PTPN1: variants seen among roughly 807,000 people sequenced by gnomAD.
PTPN1 encodes tyrosine-protein phosphatase non-receptor type 1.
PTPN1 carries 12 observed loss-of-function variants against 59.9 expected under a neutral mutation model. The ratio of observed to expected loss-of-function variants is 0.20; its 90% CI spans 0.13 to 0.32. The LOEUF is 0.32. PTPN1 is among the 10% of genes least tolerant of loss of function. PTPN1 has a pLI of 1.00. For missense variants in PTPN1, 356 were observed against 549.2 expected (o/e 0.65, Z 3.52); for synonymous variants, 178 against 203.6 (o/e 0.87, Z 1.07).
intron 3 of PTPN1, among the ~76,000 whole-genome samples, chr20:50,565,351 C>T (rs2082774030): frequency 1.3e-5 from 2 of 152,212 alleles, no homozygotes; most frequent in South Asian, 4.1e-4. Context: ...TTGGCAGAGA[C>T]AGCAGAGCCA....
At chr20:50,546,043 AAAAG>A (rs1159531792) in intron 1 of PTPN1, among the ~76,000 whole-genome samples, 2 of 152,002 alleles carry the variant, frequency 1.3e-5, no homozygotes, top group Non-Finnish European at 2.9e-5. Flanking sequence ...TCCTGTCTCG[AAAAG>A]AAAGAAGAAG....
At chr20:50,519,458 G>T (rs1262160959) in intron 1 of PTPN1, among the ~76,000 whole-genome samples, 1 of 152,226 alleles carries the variant, frequency 6.6e-6, no homozygotes, top group Non-Finnish European at 1.5e-5. Context: ...AGATTTGGAA[G>T]ATGTTGCTTT....
chr20:50,552,814 C>T (rs1200991519), intron 1 of PTPN1, among the ~76,000 whole-genome samples: 2 of 151,862 alleles, frequency 1.3e-5, no homozygotes, highest in Non-Finnish European at 2.9e-5. Context: ...CAATGGCTTT[C>T]TTCTCTTCCT....
intron 3 of PTPN1, among the ~76,000 whole-genome samples, chr20:50,566,585 T>C (rs886833270): frequency 3.3e-5 from 5 of 152,238 alleles, no homozygotes; most frequent in Admixed American, 2.0e-4. Context: ...ATTTCCCCAG[T>C]GCCCAAACCA....
At chr20:50,513,619 G>T (rs1247953046) in intron 1 of PTPN1, among the ~76,000 whole-genome samples, 1 of 152,162 alleles carries the variant, frequency 6.6e-6, no homozygotes, top group Non-Finnish European at 1.5e-5. Context: ...CATGTTAGAG[G>T]CAGGCTTTGT....
chr20:50,579,248 C>T lies in PTPN1; in HGVS notation c.783C>T (p.Ile261=). ...LEMRKFRMGL[I]QTADQLRFSY... The stretch of plus-strand genomic sequence containing the variant: ...TGAGGAAGTTTCGGATGGGGCTGAT[C>T]CAGACAGCCGACCAGCTGCGCTTCT... The change falls in exon 7 of 10, where the codon ATC becomes ATT. Residue 261 remains isoleucine, a synonymous_variant. Coordinates refer to ENST00000371621, the MANE Select transcript of PTPN1 (RefSeq NM_002827.4). 1 of 1,614,202 alleles carries T rather than the reference C, an allele frequency of 6.2e-7. No homozygotes were observed. Among genetic ancestry groups the T allele is most frequent in the Non-Finnish European group, 8.5e-7 (1 of 1,180,008 alleles).
chr20:50,538,419 CA>C (rs1201966807), intron 1 of PTPN1, among the ~76,000 whole-genome samples: 6 of 152,038 alleles, frequency 3.9e-5, no homozygotes, highest in African/African-American at 1.4e-4. Flanking sequence ...AAGCAAACAG[CA>C]AGGACCTGAG....
chr20:50,516,254 G>A (rs561574324), intron 1 of PTPN1, among the ~76,000 whole-genome samples: 1 of 151,334 alleles, frequency 6.6e-6, no homozygotes, highest in South Asian at 2.1e-4. Flanking sequence ...AAATGGTAAT[G>A]ACATTCTTTG....
At chr20:50,559,308 A>G (rs1428042511) in intron 1 of PTPN1, among the ~76,000 whole-genome samples, 1 of 152,086 alleles carries the variant, frequency 6.6e-6, no homozygotes, top group Admixed American at 6.5e-5. Flanking sequence ...GTCCCTTCTC[A>G]TTTCATGACT....
At chr20:50,543,922 T>C (rs2082663483) in intron 1 of PTPN1, among the ~76,000 whole-genome samples, 1 of 152,110 alleles carries the variant, frequency 6.6e-6, no homozygotes, top group African/African-American at 2.4e-5. Context: ...CTCGGCTCGC[T>C]ACAACCTCCG....
At chr20:50,559,134 T>TG (rs978976356) in intron 1 of PTPN1, among the ~76,000 whole-genome samples, 1 of 148,896 alleles carries the variant, frequency 6.7e-6, no homozygotes, top group Non-Finnish European at 1.5e-5. Context: ...TGGGTTCAAG[T>TG]GATTCTCCTG....
At chr20:50,564,764 G>A (rs1214969881) in intron 2 of PTPN1, among the ~76,000 whole-genome samples, 1 of 152,204 alleles carries the variant, frequency 6.6e-6, no homozygotes, top group Non-Finnish European at 1.5e-5. Flanking sequence ...GCTTCATAGT[G>A]TGAAGCTTCA....
At chr20:50,580,361 C>T (rs977489080) in intron 8 of PTPN1, among the ~76,000 whole-genome samples, 22 of 152,268 alleles carry the variant, frequency 1.4e-4, no homozygotes, top group African/African-American at 5.3e-4. Context: ...CATTTTACTT[C>T]CTTGCAGGTT....
At chr20:50,513,559 A>G (rs1333999021) in intron 1 of PTPN1, among the ~76,000 whole-genome samples, 1 of 152,190 alleles carries the variant, frequency 6.6e-6, no homozygotes, top group East Asian at 1.9e-4. Context: ...TGATTGTTTC[A>G]GATAAAGGGG....
intron 3 of PTPN1, among the ~76,000 whole-genome samples, chr20:50,567,782 T>C (rs772357502): frequency 6.6e-6 from 1 of 152,242 alleles, no homozygotes; most frequent in Non-Finnish European, 1.5e-5. Context: ...GGGTCCTCAT[T>C]GCTGATGGTA....
In PTPN1 at chr20:50,515,041, C is replaced by T. The variant is rs568064938; in HGVS notation, c.63+4451C>T. On this transcript the variant is annotated intron_variant, in intron 1 of 9. Coordinates refer to ENST00000371621, the MANE Select transcript of PTPN1 (RefSeq NM_002827.4). ...TTCACACTGCAGAAATGAGTGAAGC[C>T]GGTTACCCGTTAATATGGTCCCATC... is the stretch of plus-strand genomic sequence containing the variant. Among the ~76,000 whole-genome samples, 205 of 152,272 alleles carry T rather than the reference C, an allele frequency of 1.3e-3. 1 individual carries two copies. Among genetic ancestry groups the T allele is most frequent in the African/African-American group, 4.7e-3 (194 of 41,546 alleles).
At chr20:50,559,940 C>T (rs1379341245) in intron 1 of PTPN1, among the ~76,000 whole-genome samples, 1 of 150,986 alleles carries the variant, frequency 6.6e-6, no homozygotes, top group Non-Finnish European at 1.5e-5. Context: ...GTGGTACCTG[C>T]ATGTGGTGGA....
chr20:50,564,446 T>C (rs1192844459), intron 2 of PTPN1, among the ~76,000 whole-genome samples: 2 of 151,900 alleles, frequency 1.3e-5, no homozygotes, highest in Non-Finnish European at 2.9e-5. Context: ...ATAGAAAAAT[T>C]AGGTGAGCAT....
intron 1 of PTPN1, among the ~76,000 whole-genome samples, chr20:50,530,965 A>G (rs1044681020): frequency 2.0e-5 from 3 of 152,074 alleles, no homozygotes; most frequent in African/African-American, 7.2e-5. Context: ...TGACCTCCCA[A>G]AATGTTGGGA....
Sources: gnomAD v4.1 joint callset for allele counts (sites outside exome capture counted in the v4.1 genomes callset) on GRCh38, gnomAD v4.1.1 for gene constraint, MANE v1.5 for transcripts, NCBI Gene and HGNC (gene_info 2026-07-23, HGNC 2026-07-21) for gene names.